Variants in WWOX observed in about 807,000 individuals in gnomAD.
WWOX encodes WW domain containing oxidoreductase.
WWOX carries 69 observed loss-of-function variants against 46.2 expected under a neutral mutation model. The ratio of observed to expected loss-of-function variants is 1.49; its 90% confidence interval spans 1.23 to 1.82. WWOX has a LOEUF of 1.82. Ranked by LOEUF, WWOX falls within the 40% of genes most tolerant of loss-of-function variation. WWOX has a pLI of 0.00. For synonymous variants in WWOX, 359 were observed against 202.6 expected (o/e 1.77, Z -6.56); for missense variants, 919 against 542.6 (o/e 1.69, Z -6.89).
intron 8 of WWOX, among the ~76,000 whole-genome samples, chr16:78,603,209 C>T (rs1330250928): frequency 1.3e-5 from 2 of 152,148 alleles, no homozygotes; most frequent in East Asian, 3.9e-4. Context: ...GGAGAAGTGC[C>T]AATATCATTT....
At chr16:78,690,268 T>C (rs1261603183) in intron 8 of WWOX, among the ~76,000 whole-genome samples, 3 of 152,154 alleles carry the variant, frequency 2.0e-5, no homozygotes, top group Admixed American at 6.5e-5. Flanking sequence ...TAATGTTTGT[T>C]GGCCAGGCGT....
At chr16:78,651,622 C>T (rs1315569288) in intron 8 of WWOX, among the ~76,000 whole-genome samples, 1 of 152,204 alleles carries the variant, frequency 6.6e-6, no homozygotes, top group African/African-American at 2.4e-5. Flanking sequence ...AGTGCTATTG[C>T]TCACACAGAC....
At chr16:79,155,317 A>G (rs896450535) in intron 8 of WWOX, among the ~76,000 whole-genome samples, 1 of 152,118 alleles carries the variant, frequency 6.6e-6, no homozygotes, top group Non-Finnish European at 1.5e-5. Context: ...AAGAGGTTGC[A>G]GTGAGCTGAG....
At chr16:78,724,393 C>T (rs1193186294) in intron 8 of WWOX, among the ~76,000 whole-genome samples, 1 of 152,064 alleles carries the variant, frequency 6.6e-6, no homozygotes, top group African/African-American at 2.4e-5. Context: ...TTCCTTCATT[C>T]CTGCTTTTCC....
intron 8 of WWOX, among the ~76,000 whole-genome samples, chr16:78,477,264 A>G (rs956891611): frequency 7.2e-5 from 11 of 152,104 alleles, no homozygotes; most frequent in African/African-American, 2.4e-4. Context: ...TAGATTACCT[A>G]TTGATTTTTA....
chr16:78,126,969 G>C (rs549438369), intron 4 of WWOX, among the ~76,000 whole-genome samples: 2 of 152,294 alleles, frequency 1.3e-5, no homozygotes, highest in African/African-American at 4.8e-5. Flanking sequence ...CTTTCAGGTG[G>C]AGAAATTGTA....
At chr16:78,850,664 G>A (rs1315822402) in intron 8 of WWOX, among the ~76,000 whole-genome samples, 9 of 152,044 alleles carry the variant, frequency 5.9e-5, no homozygotes, top group South Asian at 2.1e-4. Flanking sequence ...ATGTAATGAC[G>A]AGCCTCATCC....
At chr16:78,957,342 G>A (rs2046188031) in intron 8 of WWOX, among the ~76,000 whole-genome samples, 1 of 152,214 alleles carries the variant, frequency 6.6e-6, no homozygotes, top group Non-Finnish European at 1.5e-5. Context: ...TCACAAGAAA[G>A]AATTATATTA....
chr16:78,212,613 C>T (rs1324914773), intron 5 of WWOX, among the ~76,000 whole-genome samples: 1 of 152,110 alleles, frequency 6.6e-6, no homozygotes, highest in Admixed American at 6.6e-5. Context: ...TTTTCTTGTT[C>T]TACAAATCTG....
intron 8 of WWOX, among the ~76,000 whole-genome samples, chr16:78,464,142 C>T (rs2084018668): frequency 6.6e-6 from 1 of 152,080 alleles, no homozygotes; most frequent in Non-Finnish European, 1.5e-5. Context: ...ATGAGGAACA[C>T]TGAGACCTAA....
chr16:78,733,743 A>G (rs1022788856), intron 8 of WWOX, among the ~76,000 whole-genome samples: 2 of 152,080 alleles, frequency 1.3e-5, no homozygotes, highest in Non-Finnish European at 2.9e-5. Flanking sequence ...CGACAGAGTG[A>G]GAATCCGTCT....
chr16:78,876,819 T>A (rs923816454), intron 8 of WWOX, among the ~76,000 whole-genome samples: 1 of 152,206 alleles, frequency 6.6e-6, no homozygotes, highest in African/African-American at 2.4e-5. Context: ...CTCAAACAGA[T>A]ATTTTCATCT....
At chr16:78,597,887 T>C (rs1188520496) in intron 8 of WWOX, among the ~76,000 whole-genome samples, 1 of 152,120 alleles carries the variant, frequency 6.6e-6, no homozygotes, top group Non-Finnish European at 1.5e-5. Flanking sequence ...CAGCATACTT[T>C]ATCATATCAG....
chr16:78,248,418 C>A (rs2037882649), intron 5 of WWOX, among the ~76,000 whole-genome samples: 1 of 152,158 alleles, frequency 6.6e-6, no homozygotes, highest in African/African-American at 2.4e-5. Context: ...TCCACCAGGC[C>A]CCACCTCCAA....
chr16:78,118,283 G>A (rs1273135340), intron 4 of WWOX, among the ~76,000 whole-genome samples: 6 of 151,926 alleles, frequency 3.9e-5, no homozygotes, highest in Non-Finnish European at 4.4e-5. Flanking sequence ...TAAGGCAATT[G>A]GAGGGATTCT....
chr16:78,871,684 C>G (rs997269939), intron 8 of WWOX, among the ~76,000 whole-genome samples: 1 of 152,212 alleles, frequency 6.6e-6, no homozygotes, highest in Non-Finnish European at 1.5e-5. Context: ...ACTGCAACCT[C>G]TGCCTTCTGG....
At chr16:78,139,433 C>G (rs549228954) in intron 4 of WWOX, among the ~76,000 whole-genome samples, 1 of 152,140 alleles carries the variant, frequency 6.6e-6, no homozygotes, top group Non-Finnish European at 1.5e-5. Flanking sequence ...ATCATGAGGT[C>G]AAGGGTTCAA....
intron 8 of WWOX, among the ~76,000 whole-genome samples, chr16:78,487,430 G>T (rs1244156037): frequency 1.3e-5 from 2 of 152,160 alleles, no homozygotes; most frequent in Non-Finnish European, 2.9e-5. Flanking sequence ...CAAGTTTGAA[G>T]GGAGTCTCTT....
intron 5 of WWOX, among the ~76,000 whole-genome samples, chr16:78,364,174 A>G (rs935112807): frequency 2.6e-5 from 4 of 152,102 alleles, no homozygotes; most frequent in Non-Finnish European, 4.4e-5. Flanking sequence ...AGCAAAGACT[A>G]TAATTTTATT....
Sources: allele counts gnomAD v4.1 joint callset (sites outside exome capture counted in the v4.1 genomes callset), GRCh38; gene constraint gnomAD v4.1.1; transcripts MANE v1.5; gene names NCBI Gene and HGNC (gene_info 2026-07-23, HGNC 2026-07-21).